The following PRKN variants were observed in gnomAD, a reference collection of about 807,000 sequenced individuals.
The protein encoded by PRKN is E3 ubiquitin-protein ligase parkin.
PRKN carries 56 observed loss-of-function variants against 59.5 expected under a neutral mutation model. That is an observed-to-expected ratio of 0.94 (90% CI 0.76 to 1.18). The LOEUF is 1.18. Among genes scored for constraint, PRKN ranks in the 50% most tolerant of loss-of-function variants. The pLI, the probability that PRKN is intolerant of heterozygous loss-of-function variation, is 0.00. For missense variants in PRKN, 657 were observed against 596.4 expected (o/e 1.10, Z -1.06); for synonymous variants, 250 against 222.1 (o/e 1.13, Z -1.12).
intron 1 of PRKN, among the ~76,000 whole-genome samples, chr6:162,572,406 T>C (rs1780373736): frequency 1.3e-5 from 2 of 152,154 alleles, no homozygotes; most frequent in Admixed American, 6.6e-5. Context: ...AGCCCTGACA[T>C]TAATTGGCTT....
chr6:161,523,623 T>C (rs1037822207), intron 9 of PRKN, among the ~76,000 whole-genome samples: 3 of 152,238 alleles, frequency 2.0e-5, no homozygotes, highest in African/African-American at 4.8e-5. Context: ...AAGGCTATCA[T>C]TATTATGTTG....
At chr6:162,517,493 T>C (rs1425369852) in intron 1 of PRKN, among the ~76,000 whole-genome samples, 2 of 151,952 alleles carry the variant, frequency 1.3e-5, no homozygotes, top group African/African-American at 4.8e-5. Context: ...CCTGACCTTG[T>C]GATCTGCCCA....
intron 7 of PRKN, among the ~76,000 whole-genome samples, chr6:161,648,199 T>C (rs940599586): frequency 7.2e-5 from 11 of 152,208 alleles, no homozygotes; most frequent in Admixed American, 4.6e-4. Flanking sequence ...TTTGCCTTAT[T>C]ATTTTTTTAA....
rs558665953 is a variant in PRKN at position 162,257,515 on chromosome 6, A to G, written c.412+5010T>C. ...TTCAGGAAAACACAGGCTACTGGAT[A>G]TTTTACATAAGCTCTGAAGTGAGAC... is the stretch of plus-strand genomic sequence containing the variant. On this transcript the variant is annotated intron_variant, in intron 3 of 11. Transcript: ENST00000366898. Among the ~76,000 whole-genome samples, 16 of 152,200 alleles carry G rather than the reference A, an allele frequency of 1.1e-4. 1 individual carries two copies. The highest frequency in any genetic ancestry group is 8.5e-4 in the Admixed American group (13 of 15,278).
In PRKN at chr6:162,098,355, G is replaced by T. The variant is rs746384647; in HGVS notation, c.535-44181C>A. Among the ~76,000 whole-genome samples, 14 of 152,108 alleles carry T rather than the reference G, an allele frequency of 9.2e-5. No individual in the cohort carries two copies. The East Asian group carries it at 1.4e-3, about 15-fold the overall frequency. On this transcript the variant is annotated intron_variant, in intron 4 of 11. Transcript: ENST00000366898. ...GGGCATACCATGAGCAAAGTGAGGG[G>T]TTTTTCCTATTTGCTTTGATTAAAA...
intron 6 of PRKN, among the ~76,000 whole-genome samples, chr6:161,840,029 A>G (rs1179774598): frequency 6.6e-6 from 1 of 152,214 alleles, no homozygotes; most frequent in Admixed American, 6.5e-5. Context: ...CTGCTGGGCA[A>G]CACTTGCCTA....
At chr6:162,604,679 CCT>C (rs1392566700) in intron 1 of PRKN, among the ~76,000 whole-genome samples, 1 of 150,032 alleles carries the variant, frequency 6.7e-6, no homozygotes, top group Non-Finnish European at 1.5e-5. Flanking sequence ...CCCCACAGGC[CCT>C]GTTTCTTTCT....
chr6:161,876,474 G>C (rs948292391), intron 6 of PRKN, among the ~76,000 whole-genome samples: 10 of 152,064 alleles, frequency 6.6e-5, no homozygotes, highest in Admixed American at 4.6e-4. Flanking sequence ...GTCACACCCA[G>C]CTAATTTTTT....
intron 3 of PRKN, among the ~76,000 whole-genome samples, chr6:162,214,475 C>G (rs980664448): frequency 3.9e-5 from 6 of 152,122 alleles, no homozygotes; most frequent in Non-Finnish European, 5.9e-5. Context: ...CTAAGGAATT[C>G]ATTTTTAAAT....
At chr6:162,106,508 T>C (rs1320662239) in intron 4 of PRKN, among the ~76,000 whole-genome samples, 1 of 151,744 alleles carries the variant, frequency 6.6e-6, no homozygotes, top group Non-Finnish European at 1.5e-5. Flanking sequence ...AACCTAAACA[T>C]TTCAACTTCA....
In PRKN at chr6:161,390,767, G is replaced by A. The variant is rs1250141932; in HGVS notation, c.1084-3890C>T. Among the ~76,000 whole-genome samples the A allele has an allele frequency of 6.6e-6, 1 of 152,118 alleles. No homozygotes were observed. Among genetic ancestry groups the A allele is most frequent in the East Asian group, 1.9e-4 (1 of 5,190 alleles). Reference sequence around the variant, plus strand: ...GCCTCCCAAAGTGCTGGGATTACAGGCATGAGCCACCGTGCCTGGCCAAGA... The same window carrying A: ...GCCTCCCAAAGTGCTGGGATTACAGACATGAGCCACCGTGCCTGGCCAAGA... On this transcript the variant is annotated intron_variant, in intron 9 of 11. Transcript: ENST00000366898. The surrounding 1 kb of genome is among the most constrained non-coding windows in gnomAD (Gnocchi z 7.0).
chr6:162,154,251 G>A (rs139094147), intron 4 of PRKN, among the ~76,000 whole-genome samples: 3 of 152,176 alleles, frequency 2.0e-5, no homozygotes, highest in East Asian at 3.9e-4. Flanking sequence ...ACATATGACC[G>A]CCCTGCACAG....
At chr6:162,051,055 T>C (rs2128284563) in intron 5 of PRKN, among the ~76,000 whole-genome samples, 1 of 152,236 alleles carries the variant, frequency 6.6e-6, no homozygotes, top group East Asian at 1.9e-4. Context: ...AGTGCTGCAA[T>C]GACAAGAAAG....
intron 7 of PRKN, among the ~76,000 whole-genome samples, chr6:161,687,597 C>T (rs2128174430): frequency 6.7e-6 from 1 of 148,864 alleles, no homozygotes; most frequent in Non-Finnish European, 1.5e-5. Context: ...GCTGGGACTG[C>T]AGGCGCGAAC....
intron 1 of PRKN, among the ~76,000 whole-genome samples, chr6:162,528,237 G>A (rs936947421): frequency 7.9e-5 from 12 of 151,510 alleles, no homozygotes; most frequent in African/African-American, 2.4e-4. Flanking sequence ...CAGGAGAATC[G>A]CTTGAACCCG....
chr6:162,424,469 C>T (rs543904446), intron 2 of PRKN, among the ~76,000 whole-genome samples: 2 of 152,212 alleles, frequency 1.3e-5, no homozygotes, highest in East Asian at 3.9e-4. Context: ...GGCGTGGTGG[C>T]TCACGCTTGT....
intron 2 of PRKN, among the ~76,000 whole-genome samples, chr6:162,355,803 G>A (rs180963274): frequency 6.6e-6 from 1 of 152,016 alleles, no homozygotes; most frequent in African/African-American, 2.4e-5. Flanking sequence ...CAGGAACAAT[G>A]TCTCTGTCTT....
intron 9 of PRKN, among the ~76,000 whole-genome samples, chr6:161,537,653 A>C (rs112336085): frequency 6.6e-6 from 1 of 151,906 alleles, no homozygotes; most frequent in Non-Finnish European, 1.5e-5. Flanking sequence ...GGGTTTCACC[A>C]TGTTAGCCTG....
chr6:161,522,765 G>A (rs1778881638), intron 9 of PRKN, among the ~76,000 whole-genome samples: 1 of 152,256 alleles, frequency 6.6e-6, no homozygotes, highest in Admixed American at 6.5e-5. Flanking sequence ...TTCAATTCAT[G>A]TGTCTTTCCC....
Sources: allele counts gnomAD v4.1 joint callset (sites outside exome capture counted in the v4.1 genomes callset), GRCh38; gene constraint gnomAD v4.1.1; non-coding constraint Gnocchi (gnomAD v3.1); transcripts MANE v1.5; gene names NCBI Gene and HGNC (gene_info 2026-07-23, HGNC 2026-07-21).